FAM53A: variants seen among roughly 807,000 people sequenced by gnomAD.
FAM53A encodes the protein protein FAM53A.
Under a neutral mutation model 26.6 loss-of-function variants are expected in FAM53A, and 28 were observed. The ratio of observed to expected loss-of-function variants is 1.05; its 90% CI spans 0.78 to 1.45. The LOEUF is 1.45. Among genes scored for constraint, FAM53A ranks in the 40% most tolerant of loss-of-function variants. The probability of loss-of-function intolerance (pLI) is 0.00; values close to 1 mark genes in which losing one functional copy is unlikely to be tolerated. For missense variants in FAM53A, 650 were observed against 575.8 expected, an observed-to-expected ratio of 1.13 and a Z score of -1.32; for synonymous variants, 290 against 253.1, an observed-to-expected ratio of 1.15 and a Z score of -1.38.
At chr4:1,680,319 CAAAAAAA>C (rs143458191) in intron 1 of FAM53A, among the ~76,000 whole-genome samples, 1 of 82,662 alleles carries the variant, frequency 1.2e-5, no homozygotes, top group Admixed American at 1.6e-4. Flanking sequence ...AACTCCGTCT[CAAAAAAA>C]AAAAAAAAAA....
At chr4:1,671,903 C>T (rs1004853756) in intron 1 of FAM53A, among the ~76,000 whole-genome samples, 4 of 152,202 alleles carry the variant, frequency 2.6e-5, no homozygotes, top group Admixed American at 1.3e-4. Flanking sequence ...TGTATAGAAA[C>T]GGCTGATTTC....
At chr4:1,610,822 C>G in the FAM53A span, among the ~76,000 whole-genome samples, 1 of 152,150 alleles carries the variant, frequency 6.6e-6, no homozygotes, top group African/African-American at 2.4e-5. Flanking sequence ...CTGCCAGGCT[C>G]TGCGGCCACA....
chr4:1,632,318 C>A (rs145942580), intron 1 of FAM53A, among the ~76,000 whole-genome samples: 2 of 152,122 alleles, frequency 1.3e-5, no homozygotes, highest in African/African-American at 4.8e-5. Flanking sequence ...CACAGAGAAA[C>A]GACCACGTGC....
the FAM53A span, among the ~76,000 whole-genome samples, chr4:1,604,834 C>G: frequency 3.3e-5 from 5 of 152,192 alleles, no homozygotes; most frequent in Admixed American, 6.5e-5. Flanking sequence ...GCACCACCCC[C>G]ACCCTGCGGC....
At chr4:1,589,707 A>G in the FAM53A span, among the ~76,000 whole-genome samples, 10 of 152,120 alleles carry the variant, frequency 6.6e-5, no homozygotes, top group Non-Finnish European at 1.5e-4. Context: ...TTCTGAATAT[A>G]TTAGTGTATA....
chr4:1,650,322 AGTGTTTGACTGTGAGGTGGCACAGGCGTG>A (rs1712657614), intron 4 of FAM53A, among the ~76,000 whole-genome samples: 1 of 53,486 alleles, frequency 1.9e-5, no homozygotes, highest in African/African-American at 7.3e-5. Flanking sequence ...GCACAGGCAT[AGTGTTTGACTGTGAGGTGGCACAGGCGTG>A]GTGTTTGACT....
intron 1 of FAM53A, among the ~76,000 whole-genome samples, chr4:1,678,922 T>C (rs955454940): frequency 6.6e-6 from 1 of 151,668 alleles, no homozygotes; most frequent in Non-Finnish European, 1.5e-5. Context: ...TCCTACTAGA[T>C]AGATAACACA....
intron 4 of FAM53A, among the ~76,000 whole-genome samples, chr4:1,652,714 CCA>C (rs1422332420): frequency 2.7e-5 from 4 of 148,556 alleles, no homozygotes; most frequent in Admixed American, 6.7e-5. Context: ...AGAACACACA[CCA>C]CACACACTAC....
At chr4:1,634,726 C>T (rs374111859) in intron 1 of FAM53A, among the ~76,000 whole-genome samples, 4 of 151,334 alleles carry the variant, frequency 2.6e-5, no homozygotes, top group African/African-American at 7.3e-5. Context: ...GGTGAAACCC[C>T]GTCTCTACTA....
intron 1 of FAM53A, among the ~76,000 whole-genome samples, chr4:1,682,955 G>A (rs1166341072): frequency 1.3e-5 from 2 of 152,194 alleles, no homozygotes; most frequent in African/African-American, 2.4e-5. Flanking sequence ...TCGCAACACA[G>A]AACACAACAG....
At chr4:1,632,376 G>C (rs887587748) in intron 1 of FAM53A, among the ~76,000 whole-genome samples, 1 of 152,058 alleles carries the variant, frequency 6.6e-6, no homozygotes, top group Admixed American at 6.6e-5. Context: ...GAGGCCCTGG[G>C]AGAAAGTGGC....
At chr4:1,611,194 G>A in the FAM53A span, among the ~76,000 whole-genome samples, 3 of 152,186 alleles carry the variant, frequency 2.0e-5, no homozygotes, top group Non-Finnish European at 2.9e-5. Flanking sequence ...CATTTGCAGC[G>A]ACACTGTGTG....
intron 2 of FAM53A, among the ~76,000 whole-genome samples, chr4:1,660,797 G>C (rs1347726489): frequency 1.3e-5 from 2 of 151,656 alleles, no homozygotes; most frequent in Non-Finnish European, 2.9e-5. Flanking sequence ...GCCGAGGCAG[G>C]AGAATGGCGT....
At chr4:1,676,864 A>G (rs1005049566) in intron 1 of FAM53A, among the ~76,000 whole-genome samples, 5 of 152,184 alleles carry the variant, frequency 3.3e-5, no homozygotes, top group African/African-American at 1.2e-4. Flanking sequence ...GTTAGGCCAC[A>G]CAGTGGGGTC....
Position 1,672,285 on chromosome 4 carries a change from C to G in FAM53A, c.-164-3380G>C, listed in dbSNP as rs79164858. On this transcript the variant is annotated intron_variant, in intron 1 of 4. Coordinates refer to ENST00000308132, the MANE Select transcript of FAM53A (RefSeq NM_001174070.3). ...CAGACCCACAAACCCAGGAACCAGC[C>G]ACCCACAGACCCAGGAACCCATGAA... Among the ~76,000 whole-genome samples the G allele has an allele frequency of 4.8e-5, 7 of 145,736 alleles. 1 individual carries two copies. The highest frequency in any genetic ancestry group is 7.8e-5 in the African/African-American group (3 of 38,420).
chr4:1,642,919 C>T lies in FAM53A; in HGVS notation c.883-1312G>A, dbSNP rs983259652. 2.7e-4 allele frequency among the ~76,000 whole-genome samples: 41 copies of T among 152,204 alleles called. 1 individual carries two copies. Among genetic ancestry groups the T allele is most frequent in the Non-Finnish European group, 8.8e-5 (6 of 68,036 alleles). On this transcript the variant is annotated intron_variant, in intron 4 of 4. Transcript: ENST00000308132. ...TGGCCACGCCTGCAGGGCACAGGGG[C>T]GCCATGATGCCGATGACAAGGCCAC...
At chr4:1,576,143 G>A in the FAM53A span, among the ~76,000 whole-genome samples, 6 of 152,134 alleles carry the variant, frequency 3.9e-5, no homozygotes, top group Non-Finnish European at 7.4e-5. Context: ...CCTAGTCGAC[G>A]CGTCTTATCA....
chr4:1,670,606 C>T (rs1465408559), intron 1 of FAM53A, among the ~76,000 whole-genome samples: 2 of 152,202 alleles, frequency 1.3e-5, no homozygotes, highest in African/African-American at 2.4e-5. Flanking sequence ...GCACTGACCA[C>T]TCCCACCACC....
intron 2 of FAM53A, among the ~76,000 whole-genome samples, chr4:1,658,191 A>T (rs1466151853): frequency 6.9e-6 from 1 of 145,724 alleles, no homozygotes; most frequent in Non-Finnish European, 1.5e-5. Flanking sequence ...TGTTTTTTTA[A>T]ATATATTTTT....
Sources: allele counts gnomAD v4.1 joint callset (sites outside exome capture counted in the v4.1 genomes callset), GRCh38; gene constraint gnomAD v4.1.1; transcripts MANE v1.5; gene names NCBI Gene and HGNC (gene_info 2026-07-23, HGNC 2026-07-21).